SLC9B2: variants seen among roughly 807,000 people sequenced by gnomAD.
The protein encoded by SLC9B2 is sodium/hydrogen exchanger 9B2.
SLC9B2 carries 39 observed loss-of-function variants against 52.2 expected under a neutral mutation model. The observed-to-expected ratio is 0.75, with a 90% CI of 0.58 to 0.98. The LOEUF is 0.98. SLC9B2 is among the 50% of genes least tolerant of loss of function. The probability of loss-of-function intolerance (pLI) is 0.00; values close to 1 mark genes in which losing one functional copy is unlikely to be tolerated. For synonymous variants in SLC9B2, 214 were observed against 227.0 expected (o/e 0.94, Z 0.51); for missense variants, 626 against 637.5 (o/e 0.98, Z 0.19).
chr4:103,063,143 T>C (rs1745816820), intron 3 of SLC9B2, among the ~76,000 whole-genome samples: 1 of 152,228 alleles, frequency 6.6e-6, no homozygotes. Context: ...CCATATCTGT[T>C]TCATTGTAAA....
intron 2 of SLC9B2, among the ~76,000 whole-genome samples, chr4:103,066,830 C>T (rs1014850712): frequency 3.3e-5 from 5 of 152,124 alleles, no homozygotes; most frequent in African/African-American, 1.2e-4. Flanking sequence ...AGTCACATGA[C>T]AGGTAACAGT....
At position 103,026,361 on chromosome 4, in the gene SLC9B2, T is replaced by C; in HGVS notation, c.*9A>G. ...TAAACATTATGTTCAGCACTCTCTC[T>C]TTTCACCTCTAAACTTGCACAGAAG... is the stretch of plus-strand genomic sequence containing the variant. On this transcript the variant is annotated 3_prime_UTR_variant, in exon 12 of 12. Coordinates refer to ENST00000394785, the MANE Select transcript of SLC9B2 (RefSeq NM_178833.7). 1.9e-6 allele frequency: 3 copies of C among 1,600,068 alleles called. No individual in the cohort carries two copies. The highest frequency in any genetic ancestry group is 2.6e-6 in the Non-Finnish European group (3 of 1,172,156).
chr4:103,047,092 A>G lies in SLC9B2; in HGVS notation c.848T>C (p.Ile283Thr). 2.0e-5 allele frequency: 32 copies of G among 1,614,078 alleles called. No individual in the cohort carries two copies. Among genetic ancestry groups the G allele is most frequent in the Non-Finnish European group, 2.7e-5 (32 of 1,179,960 alleles). ...AAGSFDDILA[I>T]TGFNTCLGIA... is the part of the protein sequence containing the mutation. Reference sequence around the variant, plus strand: ...GCCCAAGCATGTGTTGAAGCCAGTGATGGCCAGAATGTCATCGAAGCTGCC... The same window carrying G: ...GCCCAAGCATGTGTTGAAGCCAGTGGTGGCCAGAATGTCATCGAAGCTGCC... Residue 283 changes from isoleucine (I) to threonine (T), a missense_variant, in exon 7 of 12, where the codon ATC becomes ACC. Physicochemically the swap from Ile to Thr is moderately conservative, Grantham distance 89. Coordinates refer to ENST00000394785, the MANE Select transcript of SLC9B2 (RefSeq NM_178833.7).
At position 103,048,879 on chromosome 4, in the gene SLC9B2, G is replaced by T. The variant is rs1284155944; in HGVS notation, c.713+14C>A. The T allele has an allele frequency of 1.2e-6, 2 of 1,611,834 alleles. No individual in the cohort carries two copies. Among genetic ancestry groups the T allele is most frequent in the African/African-American group, 2.7e-5 (2 of 74,816 alleles). On this transcript the variant is annotated intron_variant, in intron 6 of 11. Coordinates refer to ENST00000394785, the MANE Select transcript of SLC9B2 (RefSeq NM_178833.7). ...TCCCTACATATTTTCATATGACAAA[G>T]AAACAATCATTACCCCAGTATAAAT...
rs936924112 is a variant in SLC9B2, at chr4:103,025,156, G to T, written c.*1214C>A. On this transcript the variant is annotated 3_prime_UTR_variant, in exon 12 of 12. Transcript: ENST00000394785. ...CCAATAAATGTAGGAAAAGAGATGT[G>T]TCCAACTTCCACATCACTTCCTCAA... Among the ~76,000 whole-genome samples, 4 of 152,116 alleles carry T rather than the reference G, an allele frequency of 2.6e-5. No homozygotes were observed. The highest frequency in any genetic ancestry group is 5.9e-5 in the Non-Finnish European group (4 of 68,008).
Position 103,072,056 on chromosome 4 carries a change from G to GTTTTTTTTTTTTTTTTTTTTTTTTT in SLC9B2, c.-43+4127_-43+4128insAAAAAAAAAAAAAAAAAAAAAAAAA, listed in dbSNP as rs779979130. On this transcript the variant is annotated intron_variant, in intron 1 of 11. Transcript: ENST00000394785. ...CAAAATTTTCAAGTTTGGCTTTCAT[G>GTTTTTTTTTTTTTTTTTTTTTTTTT]TTTTTTTTTTTTTTTTTTTTGAGGT... 5.1e-4 allele frequency among the ~76,000 whole-genome samples: 49 copies of GTTTTTTTTTTTTTTTTTTTTTTTTT among 95,322 alleles called. 7 individuals carry two copies. The highest frequency in any genetic ancestry group is 1.7e-3 in the African/African-American group (37 of 21,820). 62.5% of individuals were successfully genotyped at this position (95,322 alleles called of 152,430 possible).
chr4:103,074,428 T>G (rs1016941355), intron 1 of SLC9B2, among the ~76,000 whole-genome samples: 2 of 152,232 alleles, frequency 1.3e-5, no homozygotes, highest in Non-Finnish European at 2.9e-5. Context: ...GAAGCCCTGA[T>G]GAACAGCAGT....
chr4:103,057,244 GTATA>G (rs56742547), intron 4 of SLC9B2, among the ~76,000 whole-genome samples: 6,165 of 137,114 alleles, frequency 0.045, 182 homozygotes, highest in African/African-American at 0.086. Context: ...TTAATTTTAA[GTATA>G]TATATATATA....
At chr4:103,018,740 G>T (rs1260123100), downstream of SLC9B2, among the ~76,000 whole-genome samples, 3 of 152,178 alleles carry the variant, frequency 2.0e-5, no homozygotes, top group Non-Finnish European at 4.4e-5. Flanking sequence ...GACACAGTAT[G>T]TGTGCAACTT....
chr4:103,067,957 T>C (rs1204183875), intron 1 of SLC9B2, among the ~76,000 whole-genome samples: 39 of 152,210 alleles, frequency 2.6e-4, no homozygotes, highest in Admixed American at 2.6e-3. Flanking sequence ...TTTCCAATGT[T>C]GATATGAGGA....
chr4:103,057,271 T>TAC (rs1317768054), intron 4 of SLC9B2, among the ~76,000 whole-genome samples: 142 of 144,840 alleles, frequency 9.8e-4, no homozygotes, highest in African/African-American at 3.5e-3. Flanking sequence ...TATATATATA[T>TAC]ATACACACAC....
chr4:103,054,182 T>C (rs995579630), intron 4 of SLC9B2, among the ~76,000 whole-genome samples: 5 of 152,140 alleles, frequency 3.3e-5, no homozygotes, highest in African/African-American at 4.8e-5. Flanking sequence ...GGCAGGAAGA[T>C]TGTTTGAGCC....
chr4:103,048,611 G>T (rs72939323), intron 6 of SLC9B2: 3,243 of 271,242 alleles, frequency 0.012, 85 homozygotes, highest in African/African-American at 0.06. Flanking sequence ...TTGTGCAGAC[G>T]TTAGGTGGAA....
intron 7 of SLC9B2, among the ~76,000 whole-genome samples, chr4:103,046,801 A>G (rs1463031190): frequency 6.6e-6 from 1 of 151,728 alleles, no homozygotes; most frequent in Non-Finnish European, 1.5e-5. Flanking sequence ...ACTGTTCTTT[A>G]AATCTTTCTA....
At chr4:103,070,732 T>A (rs1439286095) in intron 1 of SLC9B2, among the ~76,000 whole-genome samples, 2 of 152,222 alleles carry the variant, frequency 1.3e-5, no homozygotes, top group East Asian at 3.9e-4. Flanking sequence ...TGAGCCACCA[T>A]GCCCGGCCCT....
chr4:103,028,080 C>T (rs1389050633), intron 11 of SLC9B2, among the ~76,000 whole-genome samples: 1 of 152,116 alleles, frequency 6.6e-6, no homozygotes, highest in Non-Finnish European at 1.5e-5. Flanking sequence ...AATTAGCAAT[C>T]ATAGATATTC....
In SLC9B2 at chr4:103,047,195, C is replaced by T; in HGVS notation, c.745G>A (p.Val249Met). 1 of 1,613,694 alleles carries T rather than the reference C, an allele frequency of 6.2e-7. No individual in the cohort carries two copies. The highest frequency in any genetic ancestry group is 8.5e-7 in the Non-Finnish European group (1 of 1,179,822). The change falls in exon 7 of 12, where the codon GTG (valine) becomes ATG (methionine). Residue 249 changes from valine (V) to methionine (M), a missense_variant. Val to Met is a conservative substitution (Grantham distance 21). Transcript: ENST00000394785. ...FVLGAVSPAV[V>M]VPSMLLLQGG... ...TGCAAAAGGAGCATTGAAGGCACCA[C>T]AACAGCTGGAGATACAGCACCTAAA...
intron 9 of SLC9B2, among the ~76,000 whole-genome samples, chr4:103,041,489 T>G (rs1722335139): frequency 6.6e-6 from 1 of 152,140 alleles, no homozygotes; most frequent in Admixed American, 6.5e-5. Context: ...CAGTTTCCCT[T>G]TCCCTCCTTT....
chr4:103,058,472 A>C (rs1463327614), intron 3 of SLC9B2, among the ~76,000 whole-genome samples: 1 of 152,202 alleles, frequency 6.6e-6, no homozygotes, highest in Non-Finnish European at 1.5e-5. Flanking sequence ...ATCATGGCTC[A>C]CTACAGCCTC....
Sources: allele counts gnomAD v4.1 joint callset (sites outside exome capture counted in the v4.1 genomes callset), GRCh38; gene constraint gnomAD v4.1.1; transcripts MANE v1.5; gene names NCBI Gene and HGNC (gene_info 2026-07-23, HGNC 2026-07-21).